The following SLC35E2B variants were observed in gnomAD, a reference collection of about 807,000 sequenced individuals.
SLC35E2B encodes the protein solute carrier family 35 member E2B, also known as solute carrier family 35, member E2B.
In SLC35E2B, 18 loss-of-function variants were observed where a neutral mutation model predicts 32.4. The ratio of observed to expected loss-of-function variants is 0.56; its 90% confidence interval spans 0.38 to 0.82. SLC35E2B has a LOEUF of 0.82. SLC35E2B is among the 40% of genes least tolerant of loss of function. SLC35E2B has a pLI of 0.00. For missense variants in SLC35E2B, 263 were observed against 469.5 expected (o/e 0.56, Z 4.06); for synonymous variants, 132 against 209.1 (o/e 0.63, Z 3.18).
rs1004960278 is a variant in SLC35E2B, at chr1:1,671,635, G to A, written c.587-6C>T. The A allele has an allele frequency of 6.8e-5, 105 of 1,539,522 alleles. No individual in the cohort carries two copies. The highest frequency in any genetic ancestry group is 3.0e-4 in the Admixed American group (15 of 49,672). On this transcript the variant is annotated splice_region_variant and splice_polypyrimidine_tract_variant and intron_variant, in intron 5 of 9. Transcript: ENST00000617444. ...GGAGAGGTTGACCAGCAGCCCTGGC[G>A]AGAGGACAGCCCCTGTGAGTGGCTG...
chr1:1,688,183 A>G (rs1643974496), intron 2 of SLC35E2B, among the ~76,000 whole-genome samples: 1 of 152,138 alleles, frequency 6.6e-6, no homozygotes, highest in South Asian at 2.1e-4. Context: ...AAGGAGGGGA[A>G]GTCTTTCTTC....
In SLC35E2B at chr1:1,670,127, C is replaced by CT. The variant is rs1403496993; in HGVS notation, c.731dup (p.Leu245AlafsTer174). The CT allele has an allele frequency of 9.7e-6, 15 of 1,551,728 alleles. No individual in the cohort carries two copies. The highest frequency in any genetic ancestry group is 1.2e-5 in the Non-Finnish European group (14 of 1,146,754). On this transcript the variant is annotated frameshift_variant, in exon 7 of 10. Coordinates refer to ENST00000617444, the MANE Select transcript of SLC35E2B (RefSeq NM_001290264.2). LOFTEE classifies it high-confidence loss of function. ...ACCTGTATTTGTCCCCGCTGAGCAG[C>CT]TTTTTTGAAAAAACATTTTGCAAAC...
intron 2 of SLC35E2B, among the ~76,000 whole-genome samples, chr1:1,683,144 A>C (rs765597498): frequency 6.6e-6 from 1 of 152,078 alleles, no homozygotes; most frequent in East Asian, 1.9e-4. Flanking sequence ...GTTTCTCTGC[A>C]CTCCCACACA....
chr1:1,674,443 CAAA>C lies in SLC35E2B; in HGVS notation c.586+1017_586+1019del, dbSNP rs1455461889. On this transcript the variant is annotated intron_variant, in intron 5 of 9. Coordinates refer to ENST00000617444, the MANE Select transcript of SLC35E2B (RefSeq NM_001290264.2). Reference sequence around the variant, plus strand: ...CTAACGTATATTCACAGTGAAAAAACAAAAAGACACACAAAATACAAAAATTAG... The same window carrying C: ...CTAACGTATATTCACAGTGAAAAAACAAGACACACAAAATACAAAAATTAG... 1.3e-5 allele frequency: 2 copies of C among 151,902 alleles called. 1 individual carries two copies. Among genetic ancestry groups the C allele is most frequent in the Non-Finnish European group, 2.9e-5 (2 of 67,990 alleles). The allele number at this position is 151,902 out of a possible 1,614,324, so 9.4% of individuals were successfully genotyped here. A position where few individuals can be genotyped will look rare whatever the true frequency, so the allele number is the denominator to read the frequency against.
intron 6 of SLC35E2B, 163 bp downstream of exon 6, chr1:1,671,346 C>A (rs1240390857): frequency 1.0e-5 from 8 of 796,452 alleles, no homozygotes; most frequent in Non-Finnish European, 1.4e-5. Context: ...AGAAACTTAC[C>A]TGCCGGGGAT....
chr1:1,672,796 CAG>C (rs1401764941), intron 5 of SLC35E2B: 1 of 152,574 alleles, frequency 6.6e-6, no homozygotes, highest in Non-Finnish European at 1.5e-5. Flanking sequence ...TTAAGACAGA[CAG>C]AGTCACTTCT....
chr1:1,684,047 C>A (rs911162284), intron 2 of SLC35E2B, among the ~76,000 whole-genome samples: 1 of 152,130 alleles, frequency 6.6e-6, no homozygotes, highest in South Asian at 2.1e-4. Flanking sequence ...GAGGGAGGAT[C>A]GCTTGCTGTC....
intron 2 of SLC35E2B, among the ~76,000 whole-genome samples, chr1:1,682,647 G>A (rs112089940): frequency 1.3e-5 from 2 of 152,092 alleles, no homozygotes; most frequent in African/African-American, 2.4e-5. Context: ...CTCTCATCTC[G>A]GGGACGGGCC....
intron 2 of SLC35E2B, among the ~76,000 whole-genome samples, chr1:1,680,943 C>T (rs1557762868): frequency 6.6e-6 from 1 of 151,826 alleles, no homozygotes; most frequent in Admixed American, 6.6e-5. Flanking sequence ...ACTGGGATTA[C>T]AGGCGCCTGC....
At chr1:1,671,317 A>G in intron 6 of SLC35E2B, 192 bp downstream of exon 6, 1 of 539,622 alleles carries the variant, frequency 1.9e-6, no homozygotes, top group Non-Finnish European at 2.9e-6. Context: ...GTCCATCCTG[A>G]AATTTCGGCT....
chr1:1,671,702 C>G, intron 5 of SLC35E2B, 73 bp from the exon 6 acceptor site: 1 of 1,381,666 alleles, frequency 7.2e-7, no homozygotes, highest in Admixed American at 3.2e-5. Context: ...CAGGCTGTTT[C>G]CATCCCCTCT....
chr1:1,665,474 G>C lies in SLC35E2B; in HGVS notation c.*308C>G. The stretch of plus-strand genomic sequence containing the variant: ...ACCTCTGGCTCCCGGTGGACCCTGG[G>C]GTGTCGCCCAGAGAGGAAGTGGGCA... On this transcript the variant is annotated 3_prime_UTR_variant, in exon 10 of 10. Transcript: ENST00000617444. 1 of 547,388 alleles carries C rather than the reference G, an allele frequency of 1.8e-6. No individual in the cohort carries two copies. Among genetic ancestry groups the C allele is most frequent in the Non-Finnish European group, 3.2e-6 (1 of 311,780 alleles). The allele number at this position is 547,388 out of a possible 1,614,324, so 33.9% of individuals were successfully genotyped here. A position where few individuals can be genotyped will look rare whatever the true frequency, so the allele number is the denominator to read the frequency against.
intron 2 of SLC35E2B, among the ~76,000 whole-genome samples, chr1:1,678,116 C>T (rs544440051): frequency 5.3e-5 from 8 of 152,262 alleles, no homozygotes; most frequent in Middle Eastern, 3.4e-3. Flanking sequence ...TGGTGCCGGC[C>T]GTGCTGCCCG....
intron 2 of SLC35E2B, among the ~76,000 whole-genome samples, chr1:1,679,556 G>C (rs187475029): frequency 6.6e-6 from 1 of 152,060 alleles, no homozygotes; most frequent in Admixed American, 6.6e-5. Context: ...GCCAGGCGCC[G>C]TGGCTCACAC....
chr1:1,679,347 C>T (rs1430287226), intron 2 of SLC35E2B, among the ~76,000 whole-genome samples: 2 of 152,124 alleles, frequency 1.3e-5, no homozygotes, highest in Non-Finnish European at 2.9e-5. Context: ...CTCACAGCAT[C>T]CCAGGCAAAA....
chr1:1,666,506 G>A (rs993205115), intron 9 of SLC35E2B, among the ~76,000 whole-genome samples: 24 of 152,298 alleles, frequency 1.6e-4, no homozygotes, highest in Non-Finnish European at 3.2e-4. Context: ...GATCATAGGC[G>A]TGAGCCACCA....
chr1:1,686,560 G>A lies in SLC35E2B; in HGVS notation c.-148+4416C>T, dbSNP rs1643953814. On this transcript the variant is annotated intron_variant, in intron 2 of 9. Transcript: ENST00000617444. ...GCACTTTGGGAGGCCGAGGCGGGTGGATCACCTGAGGTCAGGAGTTCATGG... is the reference window on the plus strand; with the variant it reads ...GCACTTTGGGAGGCCGAGGCGGGTGAATCACCTGAGGTCAGGAGTTCATGG... Among the ~76,000 whole-genome samples the A allele has an allele frequency of 2.6e-5, 4 of 151,938 alleles. No homozygotes were observed. The South Asian group carries it at 8.3e-4, about 32-fold the overall frequency.
intron 2 of SLC35E2B, among the ~76,000 whole-genome samples, chr1:1,679,702 GGCA>G (rs1643883897): frequency 6.6e-6 from 1 of 151,064 alleles, no homozygotes; most frequent in African/African-American, 2.4e-5. Flanking sequence ...TGTGGTGGCT[GGCA>G]CCTGTAATCC....
At chr1:1,683,956 C>T (rs186532267) in intron 2 of SLC35E2B, among the ~76,000 whole-genome samples, 22 of 152,274 alleles carry the variant, frequency 1.4e-4, no homozygotes, top group Admixed American at 1.2e-3. Flanking sequence ...GACCAGAGAC[C>T]ACAAAGTTGT....
Sources: gnomAD v4.1 joint callset for allele counts (sites outside exome capture counted in the v4.1 genomes callset) on GRCh38, gnomAD v4.1.1 for gene constraint, MANE v1.5 for transcripts, NCBI Gene and HGNC (gene_info 2026-07-23, HGNC 2026-07-21) for gene names.